TP63: variants seen among roughly 807,000 people sequenced by gnomAD.
The protein encoded by TP63 is tumor protein 63.
Under a neutral mutation model 82.8 loss-of-function variants are expected in TP63, and 17 were observed. The ratio of observed to expected loss-of-function variants is 0.21; its 90% CI spans 0.14 to 0.31. The LOEUF (loss-of-function observed/expected upper bound fraction) is 0.31, where lower values mean the gene tolerates loss of function less well. Among genes scored for constraint, TP63 ranks in the 10% least tolerant of loss-of-function variants. TP63 has a pLI of 1.00. For synonymous variants in TP63, 330 were observed against 321.7 expected, an observed-to-expected ratio of 1.03 and a Z score of -0.28; for missense variants, 648 against 895.3, an observed-to-expected ratio of 0.72 and a Z score of 3.52.
chr3:189,869,489 T>C (rs1042379805), intron 9 of TP63, 83 bp downstream of exon 9: 1 of 1,214,894 alleles, frequency 8.2e-7, no homozygotes, highest in Non-Finnish European at 1.2e-6. Context: ...CATCTCATTA[T>C]CTGTGACAAT....
At chr3:189,845,582 G>A (rs764043999) in intron 4 of TP63, among the ~76,000 whole-genome samples, 2 of 151,668 alleles carry the variant, frequency 1.3e-5, no homozygotes, top group African/African-American at 2.4e-5. Flanking sequence ...AGAAAGCCAG[G>A]CATAAAGTGA....
At chr3:189,833,749 A>G (rs969565175) in intron 4 of TP63, among the ~76,000 whole-genome samples, 17 of 151,906 alleles carry the variant, frequency 1.1e-4, no homozygotes, top group Admixed American at 8.5e-4. Context: ...TCTTGAAAAC[A>G]TTTAATTAAG....
chr3:189,597,372 A>G, the TP63 span, among the ~76,000 whole-genome samples: 14 of 152,160 alleles, frequency 9.2e-5, no homozygotes, highest in African/African-American at 2.7e-4. Flanking sequence ...GGACTTACAC[A>G]TAGTCCAAAA....
chr3:189,707,771 C>T (rs540400266), intron 1 of TP63, among the ~76,000 whole-genome samples: 1 of 152,164 alleles, frequency 6.6e-6, no homozygotes, highest in Non-Finnish European at 1.5e-5. Flanking sequence ...AATTTATTGC[C>T]TAAATTTAGA....
chr3:189,655,694 G>A (rs1713288983), intron 1 of TP63, among the ~76,000 whole-genome samples: 1 of 152,190 alleles, frequency 6.6e-6, no homozygotes, highest in Admixed American at 6.5e-5. Context: ...TAGAACAGAA[G>A]CCATAAAGTG....
At chr3:189,732,804 A>G (rs1011787292) in intron 1 of TP63, among the ~76,000 whole-genome samples, 4 of 152,182 alleles carry the variant, frequency 2.6e-5, no homozygotes, top group Non-Finnish European at 5.9e-5. Context: ...TACAGAGCTG[A>G]GAGAGAGATG....
chr3:189,826,152 T>G, intron 4 of TP63, among the ~76,000 whole-genome samples: 1 of 152,230 alleles, frequency 6.6e-6, no homozygotes, highest in Admixed American at 6.5e-5. Flanking sequence ...ATTAAAATTT[T>G]CTAGTTCATA....
At chr3:189,835,725 C>T (rs191113295) in intron 4 of TP63, among the ~76,000 whole-genome samples, 8 of 151,874 alleles carry the variant, frequency 5.3e-5, no homozygotes, top group East Asian at 1.9e-4. Flanking sequence ...ACAGCCTGGC[C>T]AACATAGTGA....
chr3:189,707,949 G>A (rs1718324075), intron 1 of TP63, among the ~76,000 whole-genome samples: 1 of 152,126 alleles, frequency 6.6e-6, no homozygotes. Flanking sequence ...GTATCTATAA[G>A]GTGAATCCTA....
intron 3 of TP63, among the ~76,000 whole-genome samples, chr3:189,783,417 T>C (rs1724373289): frequency 6.6e-6 from 1 of 151,988 alleles, no homozygotes; most frequent in Non-Finnish European, 1.5e-5. Flanking sequence ...GATAAATGAC[T>C]GCAATTTATT....
intron 3 of TP63, among the ~76,000 whole-genome samples, chr3:189,756,824 T>C (rs919044511): frequency 6.6e-6 from 1 of 152,174 alleles, no homozygotes; most frequent in African/African-American, 2.4e-5. Flanking sequence ...CTCAGCAATG[T>C]TACTTAAGAC....
intron 3 of TP63, among the ~76,000 whole-genome samples, chr3:189,776,397 C>T (rs6804253): frequency 0.037 from 5,602 of 152,154 alleles, 351 homozygotes; most frequent in African/African-American, 0.13. Flanking sequence ...GAGAAAGGGG[C>T]ACTATCTTTA....
rs28710216 is a variant in TP63, at chr3:189,640,247, C to T, written c.62+8670C>T. 2.5e-3 allele frequency among the ~76,000 whole-genome samples: 373 copies of T among 152,092 alleles called. 3 individuals are homozygous for T. The highest frequency in any genetic ancestry group is 8.3e-3 in the African/African-American group (344 of 41,514). On this transcript the variant is annotated intron_variant, in intron 1 of 13. Transcript: ENST00000264731. ...TTCTATTTTACTTTTTTCCTTTTAA[C>T]CCTTTTGTTATCTCAGGCAATAAAT...
chr3:189,666,505 G>A (rs570591033), intron 1 of TP63, among the ~76,000 whole-genome samples: 89 of 152,110 alleles, frequency 5.9e-4, no homozygotes, highest in African/African-American at 2.0e-3. Flanking sequence ...CAATGAAATT[G>A]GGAGGTTTTA....
At chr3:189,783,216 T>C (rs1724361399) in intron 3 of TP63, among the ~76,000 whole-genome samples, 1 of 151,926 alleles carries the variant, frequency 6.6e-6, no homozygotes, top group African/African-American at 2.4e-5. Flanking sequence ...GAGAACGTAC[T>C]CATTTTAGCA....
chr3:189,816,303 T>TA (rs1728175997), intron 4 of TP63, among the ~76,000 whole-genome samples: 1 of 152,202 alleles, frequency 6.6e-6, no homozygotes, highest in South Asian at 2.1e-4. Context: ...AATGCAAACT[T>TA]AAAATCGGCC....
intron 3 of TP63, among the ~76,000 whole-genome samples, chr3:189,773,350 G>A (rs1043534722): frequency 6.6e-6 from 1 of 152,184 alleles, no homozygotes; most frequent in Non-Finnish European, 1.5e-5. Context: ...TCCTTAGACA[G>A]TAAATCTTTC....
intron 3 of TP63, among the ~76,000 whole-genome samples, chr3:189,742,114 G>A (rs1183405214): frequency 1.3e-5 from 2 of 151,482 alleles, no homozygotes; most frequent in Non-Finnish European, 2.9e-5. Flanking sequence ...ATGGTGGCGG[G>A]TGCCTGTAGT....
chr3:189,733,113 A>G (rs1239463264), intron 1 of TP63, among the ~76,000 whole-genome samples: 1 of 152,158 alleles, frequency 6.6e-6, no homozygotes, highest in Non-Finnish European at 1.5e-5. Context: ...GACATTAGAA[A>G]TACAGGGAAA....
Sources: gnomAD v4.1 joint callset for allele counts (sites outside exome capture counted in the v4.1 genomes callset) on GRCh38, gnomAD v4.1.1 for gene constraint, MANE v1.5 for transcripts, NCBI Gene and HGNC (gene_info 2026-07-23, HGNC 2026-07-21) for gene names.